Variants in PRKCH observed in about 807,000 individuals in gnomAD.
PRKCH encodes protein kinase C eta type.
In PRKCH, 28 loss-of-function variants were observed where a neutral mutation model predicts 82.5. That is an observed-to-expected ratio of 0.34 (90% CI 0.25 to 0.47). The LOEUF is 0.47. PRKCH is among the 20% of genes least tolerant of loss of function. PRKCH has a pLI of 1.00. For synonymous variants in PRKCH, 322 were observed against 327.4 expected (o/e 0.98, Z 0.18); for missense variants, 705 against 881.8 (o/e 0.80, Z 2.54).
chr14:61,392,295 G>A (rs1406227480), intron 2 of PRKCH, among the ~76,000 whole-genome samples: 1 of 152,006 alleles, frequency 6.6e-6, no homozygotes, highest in East Asian at 1.9e-4. Context: ...GAATTGCTGG[G>A]TAATAAAGTA....
At chr14:61,443,886 GT>G (rs1884090842) in intron 3 of PRKCH, among the ~76,000 whole-genome samples, 1 of 152,160 alleles carries the variant, frequency 6.6e-6, no homozygotes, top group Non-Finnish European at 1.5e-5. Context: ...TTAAGCAGTA[GT>G]TATCTTTAGT....
At chr14:61,542,282 G>A (rs2043197579) in intron 12 of PRKCH, among the ~76,000 whole-genome samples, 1 of 150,524 alleles carries the variant, frequency 6.6e-6, no homozygotes, top group Non-Finnish European at 1.5e-5. Flanking sequence ...GCAAGAGCGA[G>A]ACTCCATATC....
intron 9 of PRKCH, among the ~76,000 whole-genome samples, chr14:61,483,510 C>T (rs1032945591): frequency 3.3e-5 from 5 of 152,298 alleles, no homozygotes; most frequent in East Asian, 1.9e-4. Context: ...ATTCTTGCTT[C>T]GCTTTTAGCA....
At chr14:61,472,674 C>A (rs958153968) in intron 9 of PRKCH, among the ~76,000 whole-genome samples, 4 of 152,096 alleles carry the variant, frequency 2.6e-5, no homozygotes, top group Admixed American at 1.3e-4. Context: ...GCCTGGATGA[C>A]AAAGTGAGAC....
At chr14:61,433,219 C>T (rs1484392691) in intron 2 of PRKCH, among the ~76,000 whole-genome samples, 2 of 152,082 alleles carry the variant, frequency 1.3e-5, no homozygotes, top group Non-Finnish European at 2.9e-5. Context: ...AAGAAGGCAG[C>T]AGAGCTTTCT....
chr14:61,248,883 C>A (rs1254491782), intron 1 of PRKCH, among the ~76,000 whole-genome samples: 1 of 152,038 alleles, frequency 6.6e-6, no homozygotes, highest in Non-Finnish European at 1.5e-5. Context: ...GTCACTGCAA[C>A]CTCTGCCTCC....
intron 10 of PRKCH, among the ~76,000 whole-genome samples, chr14:61,509,772 A>G (rs1382037371): frequency 1.3e-5 from 2 of 152,064 alleles, no homozygotes; most frequent in Non-Finnish European, 2.9e-5. Context: ...AAAACTAGCC[A>G]TGCATGGTGG....
At chr14:61,482,058 G>A (rs969253470) in intron 9 of PRKCH, among the ~76,000 whole-genome samples, 7 of 143,026 alleles carry the variant, frequency 4.9e-5, no homozygotes, top group Admixed American at 1.5e-4. Flanking sequence ...TGCATGGCGC[G>A]ATCTTGGCTC....
intron 12 of PRKCH, among the ~76,000 whole-genome samples, chr14:61,538,106 G>A (rs574800732): frequency 1.3e-5 from 2 of 152,388 alleles, no homozygotes; most frequent in Non-Finnish European, 2.9e-5. Context: ...GGCTGGGGAA[G>A]AGGAGGGAAA....
rs544521007 is a variant in PRKCH at position 61,435,496 on chromosome 14, G to A, written c.428-7615G>A. On this transcript the variant is annotated intron_variant, in intron 2 of 13. Transcript: ENST00000332981. ...AATGCCAAGTTTTAGGTAGCTTGGG[G>A]ATACCTTGAAGAGATGCTGACAAGC... 7.2e-4 allele frequency among the ~76,000 whole-genome samples: 110 copies of A among 152,248 alleles called. 1 individual carries two copies. The highest frequency in any genetic ancestry group is 4.6e-3 in the Admixed American group (70 of 15,296).
chr14:61,379,629 A>T (rs990234930), intron 1 of PRKCH, among the ~76,000 whole-genome samples: 2 of 152,198 alleles, frequency 1.3e-5, no homozygotes, highest in African/African-American at 4.8e-5. Context: ...GTGTGTTAAG[A>T]CATTTTTCCT....
intron 2 of PRKCH, among the ~76,000 whole-genome samples, chr14:61,394,297 G>A (rs183249761): frequency 2.0e-5 from 3 of 152,072 alleles, no homozygotes; most frequent in African/African-American, 4.8e-5. Flanking sequence ...TTACAATTTG[G>A]GGGGGTGTTC....
intron 1 of PRKCH, among the ~76,000 whole-genome samples, chr14:61,267,909 A>T (rs933596139): frequency 6.6e-6 from 1 of 152,192 alleles, no homozygotes; most frequent in Admixed American, 6.5e-5. Flanking sequence ...CTTTATCCTT[A>T]TTAAAAGGGT....
chr14:61,236,726 A>AAAAAAAAAAAAG (rs1566790085), intron 1 of PRKCH, among the ~76,000 whole-genome samples: 2 of 147,054 alleles, frequency 1.4e-5, no homozygotes, highest in African/African-American at 2.5e-5. Context: ...AAAAAAAAAA[A>AAAAAAAAAAAAG]AAAAAGAAAA....
intron 10 of PRKCH, among the ~76,000 whole-genome samples, chr14:61,501,702 T>C (rs900285940): frequency 3.9e-5 from 6 of 152,168 alleles, no homozygotes; most frequent in Admixed American, 3.9e-4. Context: ...AAACACAGTA[T>C]CATTTATTGA....
intron 1 of PRKCH, among the ~76,000 whole-genome samples, chr14:61,276,127 G>A (rs1270068104): frequency 6.6e-6 from 1 of 152,014 alleles, no homozygotes; most frequent in Non-Finnish European, 1.5e-5. Flanking sequence ...ATCTCTTTGG[G>A]ACCTTAATGT....
intron 10 of PRKCH, among the ~76,000 whole-genome samples, chr14:61,491,060 C>G (rs773675205): frequency 3.9e-5 from 6 of 152,142 alleles, no homozygotes; most frequent in Admixed American, 2.0e-4. Flanking sequence ...ATTCCCACCT[C>G]CTAGGACCTC....
At chr14:61,199,640 A>G (rs1287306330) in intron 1 of PRKCH, among the ~76,000 whole-genome samples, 2 of 150,828 alleles carry the variant, frequency 1.3e-5, no homozygotes, top group Non-Finnish European at 3.0e-5. Context: ...TACATTTATG[A>G]GGCTTTGATA....
chr14:61,244,575 A>G (rs983492839), intron 1 of PRKCH, among the ~76,000 whole-genome samples: 3 of 152,152 alleles, frequency 2.0e-5, no homozygotes, highest in Admixed American at 6.5e-5. Context: ...TCCTAAATCA[A>G]CTGGGCATGT....
Sources: gnomAD v4.1 joint callset for allele counts (sites outside exome capture counted in the v4.1 genomes callset) on GRCh38, gnomAD v4.1.1 for gene constraint, MANE v1.5 for transcripts, NCBI Gene and HGNC (gene_info 2026-07-23, HGNC 2026-07-21) for gene names.